DENND1A: variants seen among roughly 807,000 people sequenced by gnomAD.
The protein encoded by DENND1A is DENN domain containing 1A.
Under a neutral mutation model 113.7 loss-of-function variants are expected in DENND1A, and 51 were observed. The observed-to-expected ratio is 0.45, with a 90% CI of 0.36 to 0.57. The LOEUF is 0.57. Among genes scored for constraint, DENND1A ranks in the 20% least tolerant of loss-of-function variants. The probability of loss-of-function intolerance (pLI) is 0.00; values close to 1 mark genes in which losing one functional copy is unlikely to be tolerated. For missense variants in DENND1A, 1,258 were observed against 1,395.9 expected (o/e 0.90, Z 1.57); for synonymous variants, 565 against 570.8 (o/e 0.99, Z 0.14).
At position 123,446,567 on chromosome 9, in the gene DENND1A, G is replaced by T. The variant is rs367754603; in HGVS notation, c.1356+4126C>A. Among the ~76,000 whole-genome samples the T allele has an allele frequency of 1.2e-4, 18 of 152,280 alleles. 1 individual carries two copies. In the South Asian group the frequency reaches 3.7e-3, roughly 32 times the overall value. On this transcript the variant is annotated intron_variant, in intron 18 of 23. Transcript: ENST00000394215. ...TTTGTCTTTTAAAGATCAAAGATTT[G>T]TAATCCCAGCACTTTGAGAGGCCTA...
chr9:123,470,178 C>T (rs2049282583), intron 13 of DENND1A, among the ~76,000 whole-genome samples: 1 of 152,182 alleles, frequency 6.6e-6, no homozygotes, highest in Admixed American at 6.5e-5. Flanking sequence ...ATGCTCTAGG[C>T]ATTCAACCCC....
chr9:123,660,521 T>C (rs896699925), intron 8 of DENND1A, among the ~76,000 whole-genome samples: 1 of 152,048 alleles, frequency 6.6e-6, no homozygotes, highest in Non-Finnish European at 1.5e-5. Flanking sequence ...AATTTCCAAG[T>C]ACCTTAAAAT....
chr9:123,554,767 C>T (rs1036098071), intron 13 of DENND1A, among the ~76,000 whole-genome samples: 4 of 152,078 alleles, frequency 2.6e-5, no homozygotes, highest in Admixed American at 6.5e-5. Flanking sequence ...TGGCATCCTT[C>T]GATTATAATT....
At chr9:123,495,271 G>A (rs1456942697) in intron 13 of DENND1A, among the ~76,000 whole-genome samples, 2 of 151,928 alleles carry the variant, frequency 1.3e-5, no homozygotes, top group Non-Finnish European at 2.9e-5. Flanking sequence ...CTGGACACTG[G>A]GAGCCAAACG....
chr9:123,680,157 A>G (rs2064348559), intron 5 of DENND1A, among the ~76,000 whole-genome samples: 1 of 152,146 alleles, frequency 6.6e-6, no homozygotes. Flanking sequence ...TCATGACCCA[A>G]TCAGAAGACA....
At chr9:123,524,996 G>A (rs2054701090) in intron 13 of DENND1A, among the ~76,000 whole-genome samples, 1 of 152,228 alleles carries the variant, frequency 6.6e-6, no homozygotes, top group African/African-American at 2.4e-5. Flanking sequence ...GATAGGCACT[G>A]CATACCTCTT....
intron 2 of DENND1A, among the ~76,000 whole-genome samples, chr9:123,833,869 G>A (rs1222471563): frequency 1.3e-5 from 2 of 152,050 alleles, no homozygotes. Context: ...GACCATCCTG[G>A]CCAACACGGT....
At chr9:123,850,116 G>A (rs1022760785) in intron 2 of DENND1A, among the ~76,000 whole-genome samples, 4 of 152,200 alleles carry the variant, frequency 2.6e-5, no homozygotes, top group Non-Finnish European at 5.9e-5. Context: ...CAGTAGCAGC[G>A]TTTGAGAGGT....
chr9:123,827,977 G>A (rs2132714260), intron 2 of DENND1A, among the ~76,000 whole-genome samples: 1 of 152,086 alleles, frequency 6.6e-6, no homozygotes, highest in Middle Eastern at 3.4e-3. Context: ...TACAACAATT[G>A]GCACTCAATA....
At chr9:123,572,990 CTTTT>C (rs575609634) in intron 12 of DENND1A, among the ~76,000 whole-genome samples, 1 of 151,872 alleles carries the variant, frequency 6.6e-6, no homozygotes, top group South Asian at 2.1e-4. Flanking sequence ...GTCAAGGCTT[CTTTT>C]TTTTCCATAT....
chr9:123,542,966 T>C (rs2056395057), intron 13 of DENND1A, among the ~76,000 whole-genome samples: 1 of 152,228 alleles, frequency 6.6e-6, no homozygotes, highest in South Asian at 2.1e-4. Flanking sequence ...ACTGACACAC[T>C]GATTAAGCTG....
chr9:123,436,151 C>G (rs2046500564), intron 19 of DENND1A, among the ~76,000 whole-genome samples: 1 of 152,168 alleles, frequency 6.6e-6, no homozygotes, highest in South Asian at 2.1e-4. Flanking sequence ...GGGGGGAATC[C>G]TTGGCTTGGC....
At chr9:123,580,631 T>C (rs113928567) in intron 12 of DENND1A, among the ~76,000 whole-genome samples, 5 of 152,316 alleles carry the variant, frequency 3.3e-5, no homozygotes, top group African/African-American at 1.2e-4. Flanking sequence ...CACTAGGCAT[T>C]TGCCTGGTCC....
In DENND1A at chr9:123,382,578, G is replaced by C; in HGVS notation, c.2067C>G (p.Ala689=). 1 of 1,614,144 alleles carries C rather than the reference G, an allele frequency of 6.2e-7. No homozygotes were observed. The highest frequency in any genetic ancestry group is 8.5e-7 in the Non-Finnish European group (1 of 1,180,036). ...TGTTGTACGGGTGGGTAAGCTTCAA[G>C]GCCACTGTCACCCCGCGGCTCCTCT... ...GSERSRGVTV[A]LKLTHPYNKL... The change falls in exon 24 of 24, where the codon GCC becomes GCG. Residue 689 remains alanine, a synonymous_variant. Transcript: ENST00000394215.
chr9:123,596,539 T>TAA (rs965900910), intron 11 of DENND1A, among the ~76,000 whole-genome samples: 3 of 152,196 alleles, frequency 2.0e-5, no homozygotes, highest in African/African-American at 7.2e-5. Flanking sequence ...CCCCAGATCA[T>TAA]AGAGTATCAG....
intron 21 of DENND1A, among the ~76,000 whole-genome samples, chr9:123,394,446 C>T (rs1032689482): frequency 7.9e-5 from 12 of 152,002 alleles, no homozygotes; most frequent in Admixed American, 2.0e-4. Context: ...TGAGAGGTGA[C>T]GTGCAAGTCT....
In DENND1A at chr9:123,788,346, T is replaced by G. The variant is rs572821409; in HGVS notation, c.132+4241A>C. ...ATATTGTAATTAATAAAGGCTCATG[T>G]TTTTTAATCTGAAAAAATCATATAA... On this transcript the variant is annotated intron_variant, in intron 3 of 23. Coordinates refer to ENST00000394215, the MANE Select transcript of DENND1A (RefSeq NM_001352964.2). Among the ~76,000 whole-genome samples the G allele has an allele frequency of 2.0e-5, 3 of 152,280 alleles. No individual in the cohort carries two copies. The South Asian group carries it at 6.2e-4, about 32-fold the overall frequency.
At chr9:123,438,829 T>C (rs1195461193) in intron 19 of DENND1A, among the ~76,000 whole-genome samples, 1 of 152,218 alleles carries the variant, frequency 6.6e-6, no homozygotes, top group Non-Finnish European at 1.5e-5. Flanking sequence ...AAAGAATCTC[T>C]ACTTCTGGCT....
chr9:123,388,827 GAGT>G (rs1343005524), intron 21 of DENND1A, among the ~76,000 whole-genome samples: 1 of 152,218 alleles, frequency 6.6e-6, no homozygotes, highest in Non-Finnish European at 1.5e-5. Flanking sequence ...TTGTGCTGGG[GAGT>G]AGGTGTCTCT....
Sources: allele counts gnomAD v4.1 joint callset (sites outside exome capture counted in the v4.1 genomes callset), GRCh38; gene constraint gnomAD v4.1.1; transcripts MANE v1.5; gene names NCBI Gene and HGNC (gene_info 2026-07-23, HGNC 2026-07-21).